Variants in SUCLG2 observed in about 807,000 individuals in gnomAD.
SUCLG2 encodes the protein succinate-CoA ligase GDP-forming subunit beta, also known as succinate--CoA ligase [GDP-forming] subunit beta, mitochondrial.
A neutral mutation model predicts 47.9 loss-of-function variants in SUCLG2; 42 were observed. The observed-to-expected ratio is 0.88, with a 90% CI of 0.69 to 1.14. SUCLG2 has a LOEUF of 1.14. Among genes scored for constraint, SUCLG2 ranks in the 50% most tolerant of loss-of-function variants. SUCLG2 has a pLI of 0.00. For missense variants in SUCLG2, 571 were observed against 525.9 expected, an observed-to-expected ratio of 1.09 and a Z score of -0.84; for synonymous variants, 195 against 197.3, an observed-to-expected ratio of 0.99 and a Z score of 0.10.
At chr3:67,485,335 C>A (rs1705023478) in intron 9 of SUCLG2, among the ~76,000 whole-genome samples, 2 of 152,032 alleles carry the variant, frequency 1.3e-5, no homozygotes, top group African/African-American at 4.8e-5. Flanking sequence ...CTTTTTCTTT[C>A]CTAAGTCTTA....
intron 9 of SUCLG2, among the ~76,000 whole-genome samples, chr3:67,478,285 C>A (rs112378880): frequency 6.6e-6 from 1 of 152,206 alleles, no homozygotes; most frequent in Non-Finnish European, 1.5e-5. Flanking sequence ...GAGCACTTCA[C>A]GTGTTATTTC....
At chr3:67,505,580 CTTG>C (rs1046876384) in intron 7 of SUCLG2, among the ~76,000 whole-genome samples, 63 of 152,302 alleles carry the variant, frequency 4.1e-4, no homozygotes, top group African/African-American at 1.4e-3. Flanking sequence ...CACGGCATCA[CTTG>C]TTGTACAAAT....
chr3:67,527,507 A>G (rs979102252), intron 4 of SUCLG2, among the ~76,000 whole-genome samples: 1 of 152,182 alleles, frequency 6.6e-6, no homozygotes, highest in African/African-American at 2.4e-5. Context: ...GATTGGCAGG[A>G]GGGAGAGTTA....
intron 6 of SUCLG2, among the ~76,000 whole-genome samples, chr3:67,515,343 ATAAGGG>A (rs1705915727): frequency 6.6e-6 from 1 of 152,160 alleles, no homozygotes; most frequent in South Asian, 2.1e-4. Context: ...TCCTCCACAG[ATAAGGG>A]GGAACTACTA....
At chr3:67,383,950 A>C (rs984587310) in intron 10 of SUCLG2, among the ~76,000 whole-genome samples, 8 of 152,228 alleles carry the variant, frequency 5.3e-5, no homozygotes, top group Non-Finnish European at 8.8e-5. Context: ...TTTACCTTTC[A>C]TGCTTTCCTT....
intron 10 of SUCLG2, among the ~76,000 whole-genome samples, chr3:67,392,584 G>C (rs1211228613): frequency 6.6e-6 from 1 of 152,104 alleles, no homozygotes; most frequent in East Asian, 1.9e-4. Context: ...TTTATCCCAT[G>C]TTAGACATCC....
At chr3:67,622,870 T>C in intron 1 of SUCLG2, among the ~76,000 whole-genome samples, 1 of 152,184 alleles carries the variant, frequency 6.6e-6, no homozygotes, top group East Asian at 1.9e-4. Context: ...CCCATCCCTG[T>C]GCTTAGGCAC....
At chr3:67,615,083 A>G (rs574722065) in intron 1 of SUCLG2, among the ~76,000 whole-genome samples, 1 of 152,298 alleles carries the variant, frequency 6.6e-6, no homozygotes, top group African/African-American at 2.4e-5. Context: ...ACTTAAAAGA[A>G]AAGCAACACA....
intron 2 of SUCLG2, among the ~76,000 whole-genome samples, chr3:67,576,127 T>G (rs1398326992): frequency 6.6e-6 from 1 of 152,122 alleles, no homozygotes; most frequent in East Asian, 1.9e-4. Flanking sequence ...CACAGCAGAG[T>G]TTCTGTGGAC....
intron 9 of SUCLG2, among the ~76,000 whole-genome samples, chr3:67,452,888 A>G (rs1227458551): frequency 6.6e-6 from 1 of 152,198 alleles, no homozygotes; most frequent in Non-Finnish European, 1.5e-5. Context: ...ACATATAAGA[A>G]TCTTCTAGCC....
intron 9 of SUCLG2, among the ~76,000 whole-genome samples, chr3:67,462,863 G>A (rs1704372861): frequency 6.6e-6 from 1 of 152,220 alleles, no homozygotes; most frequent in South Asian, 2.1e-4. Flanking sequence ...TCCAGGTGGA[G>A]TGTCAGAACT....
At chr3:67,599,860 T>A (rs528072700) in intron 2 of SUCLG2, among the ~76,000 whole-genome samples, 4 of 152,346 alleles carry the variant, frequency 2.6e-5, no homozygotes, top group Non-Finnish European at 5.9e-5. Context: ...CCAATTTTCA[T>A]CCTAAGGTAG....
At chr3:67,578,873 A>G (rs2772456) in intron 2 of SUCLG2, among the ~76,000 whole-genome samples, 103,004 of 152,036 alleles carry the variant, frequency 0.68, 37,393 homozygotes, top group Non-Finnish European at 0.81. Context: ...AGAGGAGAAA[A>G]AGGGTTCCCA....
chr3:67,510,338 G>A (rs1279697403), intron 6 of SUCLG2, among the ~76,000 whole-genome samples: 2 of 152,174 alleles, frequency 1.3e-5, no homozygotes, highest in Non-Finnish European at 2.9e-5. Flanking sequence ...TTGAGGGCTA[G>A]TAGATATAAA....
chr3:67,424,992 G>A (rs1703261341), intron 9 of SUCLG2, among the ~76,000 whole-genome samples: 1 of 152,002 alleles, frequency 6.6e-6, no homozygotes, highest in Non-Finnish European at 1.5e-5. Context: ...GCTGCTCATT[G>A]AGCCTACTCA....
At chr3:67,605,421 T>C (rs2885692) in intron 2 of SUCLG2, among the ~76,000 whole-genome samples, 9,214 of 152,208 alleles carry the variant, frequency 0.061, 402 homozygotes, top group African/African-American at 0.12. Context: ...ATTGGTTCCA[T>C]ATCCTCTTCT....
chr3:67,584,502 ACTT>A (rs772265833), intron 2 of SUCLG2, among the ~76,000 whole-genome samples: 2 of 152,106 alleles, frequency 1.3e-5, no homozygotes, highest in Admixed American at 1.3e-4. Flanking sequence ...ATGGAACTAA[ACTT>A]CTTTCACTTA....
At position 67,453,742 on chromosome 3, in the gene SUCLG2, T is replaced by C. The variant is rs114792942; in HGVS notation, c.1062+42056A>G. On this transcript the variant is annotated intron_variant, in intron 9 of 10. Transcript: ENST00000307227. ...GTGGGAAACTCTTGATATTCCTTAA[T>C]AGAGGGGCCACATCAAGCCTTTGGC... 9.4e-3 allele frequency among the ~76,000 whole-genome samples: 1,426 copies of C among 152,326 alleles called. 29 individuals are homozygous for C. Among genetic ancestry groups the C allele is most frequent in the African/African-American group, 0.033 (1,355 of 41,558 alleles).
chr3:67,519,954 T>C lies in SUCLG2; in HGVS notation c.570+528A>G, dbSNP rs1393389696. Among the ~76,000 whole-genome samples, 4 of 152,038 alleles carry C rather than the reference T, an allele frequency of 2.6e-5. No homozygotes were observed. The East Asian group carries it at 5.8e-4, about 22-fold the overall frequency. On this transcript the variant is annotated intron_variant, in intron 5 of 10. Coordinates refer to ENST00000307227, the MANE Select transcript of SUCLG2 (RefSeq NM_003848.4). ...CCTCAGATCTCTGACTTGAAACTAATCTTAATATCAATAAATGAGTCAAGA... is the reference window on the plus strand; with the variant it reads ...CCTCAGATCTCTGACTTGAAACTAACCTTAATATCAATAAATGAGTCAAGA...
Sources: gnomAD v4.1 joint callset for allele counts (sites outside exome capture counted in the v4.1 genomes callset) on GRCh38, gnomAD v4.1.1 for gene constraint, MANE v1.5 for transcripts, NCBI Gene and HGNC (gene_info 2026-07-23, HGNC 2026-07-21) for gene names.